The following GABRB2 variants were observed in gnomAD, a reference collection of about 807,000 sequenced individuals.
GABRB2 encodes the protein gamma-aminobutyric acid receptor subunit beta-2.
Under a neutral mutation model 54.7 loss-of-function variants are expected in GABRB2, and 16 were observed. The observed-to-expected ratio is 0.29, with a 90% CI of 0.20 to 0.44. The LOEUF (loss-of-function observed/expected upper bound fraction) is 0.44. Ranked by LOEUF, GABRB2 falls within the 20% of genes least tolerant of loss-of-function variation. The pLI is 1.00. For missense variants in GABRB2, 355 were observed against 644.0 expected (o/e 0.55, Z 4.86); for synonymous variants, 244 against 233.8 (o/e 1.04, Z -0.40).
chr5:161,347,484 C>G (rs187021996), intron 5 of GABRB2, among the ~76,000 whole-genome samples: 4 of 152,102 alleles, frequency 2.6e-5, no homozygotes, highest in African/African-American at 4.8e-5. Flanking sequence ...TATTTCCCCA[C>G]GCCTTGAATG....
intron 5 of GABRB2, among the ~76,000 whole-genome samples, chr5:161,357,560 G>A (rs945166095): frequency 2.6e-5 from 4 of 151,064 alleles, no homozygotes; most frequent in Non-Finnish European, 5.9e-5. Flanking sequence ...TGTGTGTTAA[G>A]AGAATTATTC....
At position 161,336,620 on chromosome 5, in the gene GABRB2, C is replaced by T; in HGVS notation, c.679+12G>A. 1 of 1,610,476 alleles carries T rather than the reference C, an allele frequency of 6.2e-7. No individual in the cohort carries two copies. The highest frequency in any genetic ancestry group is 1.7e-4 in the Middle Eastern group (1 of 6,030). ...AGATTATTTTCCCTTAACACTTTTC[C>T]ATGATACAAACCTGTGGAAAAAACA... is the stretch of plus-strand genomic sequence containing the variant. On this transcript the variant is annotated intron_variant, in intron 6 of 9. Coordinates refer to ENST00000393959, the MANE Select transcript of GABRB2 (RefSeq NM_001371727.1).
At chr5:161,407,307 A>T (rs1485176118) in intron 5 of GABRB2, among the ~76,000 whole-genome samples, 1 of 152,130 alleles carries the variant, frequency 6.6e-6, no homozygotes, top group Non-Finnish European at 1.5e-5. Context: ...AAGATATATA[A>T]TACTTTCACC....
At chr5:161,511,522 A>G (rs1335326724) in intron 3 of GABRB2, among the ~76,000 whole-genome samples, 1 of 151,950 alleles carries the variant, frequency 6.6e-6, no homozygotes, top group Admixed American at 6.6e-5. Flanking sequence ...TCCAAGTACT[A>G]TTTTTACCAT....
chr5:161,307,069 C>G (rs1442949230), intron 9 of GABRB2, among the ~76,000 whole-genome samples: 8 of 152,126 alleles, frequency 5.3e-5, no homozygotes, highest in African/African-American at 1.9e-4. Flanking sequence ...TTGAATAGAA[C>G]CAAGGGATTT....
At chr5:161,377,580 T>G (rs868155179) in intron 5 of GABRB2, among the ~76,000 whole-genome samples, 1 of 152,164 alleles carries the variant, frequency 6.6e-6, no homozygotes, top group Non-Finnish European at 1.5e-5. Flanking sequence ...AAGTTTCTAA[T>G]GCCTGCTGAA....
chr5:161,511,038 T>G (rs1169256241), intron 3 of GABRB2, among the ~76,000 whole-genome samples: 1 of 151,982 alleles, frequency 6.6e-6, no homozygotes, highest in Non-Finnish European at 1.5e-5. Flanking sequence ...TAATAATTGA[T>G]CACAGTATAG....
intron 9 of GABRB2, among the ~76,000 whole-genome samples, chr5:161,301,804 C>A (rs555729743): frequency 9.9e-5 from 15 of 152,282 alleles, no homozygotes; most frequent in African/African-American, 3.6e-4. Context: ...TGGAGAGGCT[C>A]TATTAAGCAT....
At chr5:161,409,986 T>G (rs895738095) in intron 5 of GABRB2, among the ~76,000 whole-genome samples, 10 of 152,070 alleles carry the variant, frequency 6.6e-5, no homozygotes, top group African/African-American at 2.4e-4. Context: ...GGCAAAAATA[T>G]CCACAATGTG....
chr5:161,349,312 A>G (rs1278492891), intron 5 of GABRB2, among the ~76,000 whole-genome samples: 3 of 152,152 alleles, frequency 2.0e-5, no homozygotes, highest in East Asian at 3.9e-4. Flanking sequence ...TTATTAAGAT[A>G]TTGAAAATTA....
intron 4 of GABRB2, among the ~76,000 whole-genome samples, chr5:161,430,907 C>G (rs17059454): frequency 0.13 from 20,107 of 151,978 alleles, 1,400 homozygotes; most frequent in East Asian, 0.19. Context: ...AGACAAATTG[C>G]TTTTATAATT....
intron 5 of GABRB2, among the ~76,000 whole-genome samples, chr5:161,343,014 C>G (rs139585700): frequency 1.3e-5 from 2 of 152,186 alleles, no homozygotes; most frequent in East Asian, 3.9e-4. Context: ...CCTGTATGCT[C>G]TGCACAGGTA....
chr5:161,548,114 C>T, upstream of GABRB2: 1 of 152,812 alleles, frequency 6.5e-6, no homozygotes, highest in Non-Finnish European at 1.5e-5. Flanking sequence ...CTCTTCTTCC[C>T]TTCCCCGCGC....
At chr5:161,397,356 C>A (rs1042273999) in intron 5 of GABRB2, among the ~76,000 whole-genome samples, 1 of 152,162 alleles carries the variant, frequency 6.6e-6, no homozygotes, top group African/African-American at 2.4e-5. Context: ...TGTCCACCAA[C>A]CTTTACCATT....
intron 3 of GABRB2, among the ~76,000 whole-genome samples, chr5:161,509,631 A>G (rs1489917975): frequency 6.6e-6 from 1 of 151,918 alleles, no homozygotes; most frequent in Non-Finnish European, 1.5e-5. Context: ...TCTCCTAAAT[A>G]TTTCCCAATC....
chr5:161,318,990 ATT>A (rs1385463458), intron 9 of GABRB2, among the ~76,000 whole-genome samples: 1 of 151,810 alleles, frequency 6.6e-6, no homozygotes, highest in Non-Finnish European at 1.5e-5. Flanking sequence ...AACTTCTCAT[ATT>A]GTTTCTAAGT....
intron 5 of GABRB2, among the ~76,000 whole-genome samples, chr5:161,373,191 ACCCAAGC>A (rs1276331292): frequency 6.6e-6 from 1 of 152,086 alleles, no homozygotes; most frequent in Non-Finnish European, 1.5e-5. Flanking sequence ...AAACCAAAAG[ACCCAAGC>A]AAAAGTCCCT....
intron 3 of GABRB2, among the ~76,000 whole-genome samples, chr5:161,516,476 T>G (rs1331593583): frequency 6.6e-6 from 1 of 152,130 alleles, no homozygotes; most frequent in Non-Finnish European, 1.5e-5. Context: ...TATGCCCGTA[T>G]TACAGAAGAT....
chr5:161,314,636 T>C (rs1027603554), intron 9 of GABRB2, among the ~76,000 whole-genome samples: 3 of 152,148 alleles, frequency 2.0e-5, no homozygotes, highest in African/African-American at 7.2e-5. Flanking sequence ...CAGCCCTTGA[T>C]TCCCAAAGCT....
Sources: allele counts gnomAD v4.1 joint callset (sites outside exome capture counted in the v4.1 genomes callset), GRCh38; gene constraint gnomAD v4.1.1; transcripts MANE v1.5; gene names NCBI Gene and HGNC (gene_info 2026-07-23, HGNC 2026-07-21).